The following PTPRN2 variants were observed in gnomAD, a reference collection of about 807,000 sequenced individuals.
PTPRN2 encodes the protein protein tyrosine phosphatase receptor type N2, also known as receptor-type tyrosine-protein phosphatase N2.
A neutral mutation model predicts 118.8 loss-of-function variants in PTPRN2; 74 were observed. That is an observed-to-expected ratio of 0.62 (90% confidence interval 0.52 to 0.76). PTPRN2 has a LOEUF of 0.76. PTPRN2 is among the 30% of genes least tolerant of loss of function. The pLI is 0.00. For missense variants in PTPRN2, 1,481 were observed against 1,394.4 expected, an observed-to-expected ratio of 1.06 and a Z score of -0.99; for synonymous variants, 641 against 608.0, an observed-to-expected ratio of 1.05 and a Z score of -0.80.
intron 2 of PTPRN2, among the ~76,000 whole-genome samples, chr7:158,425,366 G>A: frequency 8.8e-6 from 1 of 113,974 alleles, no homozygotes; most frequent in South Asian, 3.5e-4. Flanking sequence ...AAGACGCGGT[G>A]TCCGAGTCCA....
chr7:158,248,423 GGAA>G (rs1229216587), intron 3 of PTPRN2, among the ~76,000 whole-genome samples: 1 of 152,174 alleles, frequency 6.6e-6, no homozygotes, highest in African/African-American at 2.4e-5. Context: ...ACTGAGGCCA[GGAA>G]GCTTGTTTCT....
chr7:157,563,710 C>T (rs558884063), intron 21 of PTPRN2, among the ~76,000 whole-genome samples: 1 of 149,686 alleles, frequency 6.7e-6, no homozygotes, highest in Admixed American at 6.6e-5. Flanking sequence ...GCTCCCACAT[C>T]ACCACACACC....
At chr7:157,613,987 TGGCC>T (rs1194257636) in intron 15 of PTPRN2, 5 of 470,622 alleles carry the variant, frequency 1.1e-5, no homozygotes, top group Non-Finnish European at 2.2e-5. Flanking sequence ...CTCACAGGGC[TGGCC>T]TCCACATTCT....
chr7:157,686,496 GCA>G (rs1797201353), intron 12 of PTPRN2, among the ~76,000 whole-genome samples: 1 of 152,166 alleles, frequency 6.6e-6, no homozygotes, highest in African/African-American at 2.4e-5. Context: ...TGAGTTTGAG[GCA>G]CAGTCTTGAC....
chr7:157,555,460 G>C (rs1284225190), intron 21 of PTPRN2, among the ~76,000 whole-genome samples: 3 of 152,188 alleles, frequency 2.0e-5, no homozygotes, highest in Non-Finnish European at 4.4e-5. Context: ...TCTGGCTCTT[G>C]GCTGACCGAG....
At chr7:158,137,831 A>T (rs1818971033) in intron 7 of PTPRN2, among the ~76,000 whole-genome samples, 1 of 152,166 alleles carries the variant, frequency 6.6e-6, no homozygotes, top group South Asian at 2.1e-4. Flanking sequence ...TGGCTGACCC[A>T]TGGGGCCTCC....
intron 9 of PTPRN2, among the ~76,000 whole-genome samples, chr7:158,122,850 G>A (rs572517535): frequency 3.9e-5 from 6 of 152,180 alleles, no homozygotes; most frequent in East Asian, 3.9e-4. Flanking sequence ...ACCTACACTT[G>A]TTCTTAACAA....
chr7:158,051,806 A>C (rs1809345708), intron 11 of PTPRN2, among the ~76,000 whole-genome samples: 1 of 152,236 alleles, frequency 6.6e-6, no homozygotes, highest in African/African-American at 2.4e-5. Context: ...ATGTCAAAAT[A>C]CACACTGTAC....
At chr7:157,685,562 CGGA>C (rs1797145550) in intron 12 of PTPRN2, among the ~76,000 whole-genome samples, 1 of 151,516 alleles carries the variant, frequency 6.6e-6, no homozygotes, top group South Asian at 2.1e-4. Context: ...GCGCGGGGGC[CGGA>C]GGAGGAGGCC....
At position 158,373,771 on chromosome 7, in the gene PTPRN2, A is replaced by G. The variant is rs950443935; in HGVS notation, c.164-56839T>C. Among the ~76,000 whole-genome samples, 5 of 152,348 alleles carry G rather than the reference A, an allele frequency of 3.3e-5. No homozygotes were observed. In the East Asian group the frequency reaches 9.6e-4, roughly 29 times the overall value. ...AAATAGCAACTGTTTCAGCCCATGC[A>G]CCTGCAGAGTAGCAGCCAGCCTGCA... is the stretch of plus-strand genomic sequence containing the variant. On this transcript the variant is annotated intron_variant, in intron 2 of 22. Transcript: ENST00000389418.
chr7:158,070,389 AGG>A (rs1811151838), intron 11 of PTPRN2, among the ~76,000 whole-genome samples: 1 of 106,632 alleles, frequency 9.4e-6, no homozygotes, highest in African/African-American at 3.7e-5. Flanking sequence ...GTGGTGGTGG[AGG>A]TGCTCGTGGT....
rs1563123745 is a variant in PTPRN2, at chr7:157,801,054, CACATATATATACACATATATAT to C, written c.1788+97597_1788+97618del. Among the ~76,000 whole-genome samples, 1 of 138,996 alleles carries C rather than the reference CACATATATATACACATATATAT, an allele frequency of 7.2e-6. No homozygotes were observed. Among genetic ancestry groups the C allele is most frequent in the Non-Finnish European group, 1.6e-5 (1 of 62,912 alleles). The allele number at this position is 138,996 out of a possible 152,430, so 91.2% of individuals were successfully genotyped here. A position where few individuals can be genotyped will look rare whatever the true frequency, so the allele number is the denominator to read the frequency against. On this transcript the variant is annotated intron_variant, in intron 12 of 22. Transcript: ENST00000389418. The surrounding 1 kb of genome is among the most constrained non-coding windows in gnomAD (Gnocchi z 4.2). ...ATACACATATATATACACATATATA[CACATATATATACACATATATAT>C]ACACACACACACACATATATATATG...
At chr7:158,506,103 GTGC>G (rs72360277) in intron 1 of PTPRN2, among the ~76,000 whole-genome samples, 28,378 of 152,194 alleles carry the variant, frequency 0.19, 3,109 homozygotes, top group East Asian at 0.39. Context: ...CACAAGGCCG[GTGC>G]TGAGACACTG....
In PTPRN2 at chr7:157,726,075, G is replaced by A. The variant is rs569715384; in HGVS notation, c.1789-43138C>T. Among the ~76,000 whole-genome samples, 482 of 131,304 alleles carry A rather than the reference G, an allele frequency of 3.7e-3. 2 individuals are homozygous for A. The highest frequency in any genetic ancestry group is 6.4e-3 in the Non-Finnish European group (402 of 62,546). The allele number at this position is 131,304 out of a possible 152,430, so 86.1% of individuals were successfully genotyped here. A position where few individuals can be genotyped will look rare whatever the true frequency, so the allele number is the denominator to read the frequency against. ...CAGGAGAACTGGATATCCACACGCAGAGGAGTGTGGCCAGACCCTCACCTC... is the reference window on the plus strand; with the variant it reads ...CAGGAGAACTGGATATCCACACGCAAAGGAGTGTGGCCAGACCCTCACCTC... On this transcript the variant is annotated intron_variant, in intron 12 of 22. Transcript: ENST00000389418.
chr7:157,692,702 G>A (rs1292984668), intron 12 of PTPRN2, among the ~76,000 whole-genome samples: 1 of 152,158 alleles, frequency 6.6e-6, no homozygotes, highest in African/African-American at 2.4e-5. Flanking sequence ...GCGGCTCGGC[G>A]GGGGCGCGAG....
At chr7:158,262,534 T>A (rs1315518836) in intron 3 of PTPRN2, among the ~76,000 whole-genome samples, 1 of 101,546 alleles carries the variant, frequency 9.8e-6, no homozygotes, top group African/African-American at 4.1e-5. Flanking sequence ...ACTGCACACA[T>A]ACACACATTC....
chr7:157,816,069 C>T (rs1272971676), intron 12 of PTPRN2, among the ~76,000 whole-genome samples: 1 of 152,218 alleles, frequency 6.6e-6, no homozygotes, highest in Non-Finnish European at 1.5e-5. Flanking sequence ...TGAACACATG[C>T]TCCCCTCATA....
chr7:157,635,012 G>A (rs1281730850), intron 14 of PTPRN2, among the ~76,000 whole-genome samples: 1 of 152,206 alleles, frequency 6.6e-6, no homozygotes, highest in African/African-American at 2.4e-5. Flanking sequence ...CAGAACACAC[G>A]TGAAGGACGG....
chr7:158,070,296 G>GAGGTGCTCTTAGTA (rs1191456035), intron 11 of PTPRN2, among the ~76,000 whole-genome samples: 2 of 143,650 alleles, frequency 1.4e-5, no homozygotes, highest in East Asian at 3.9e-4. Context: ...GCTCGTGGTG[G>GAGGTGCTCTTAGTA]TGGAGGTGCT....
Sources: gnomAD v4.1 joint callset for allele counts (sites outside exome capture counted in the v4.1 genomes callset) on GRCh38, gnomAD v4.1.1 for gene constraint, Gnocchi (gnomAD v3.1) non-coding constraint, MANE v1.5 for transcripts, NCBI Gene and HGNC (gene_info 2026-07-23, HGNC 2026-07-21) for gene names.